DYM: variants seen among roughly 807,000 people sequenced by gnomAD.
DYM encodes dyggve-Melchior-Clausen syndrome protein.
A neutral mutation model predicts 93.1 loss-of-function variants in DYM; 78 were observed. The ratio of observed to expected loss-of-function variants is 0.84; its 90% CI spans 0.70 to 1.01. DYM has a LOEUF of 1.01. Among genes scored for constraint, DYM ranks in the 50% least tolerant of loss-of-function variants. DYM has a pLI of 0.00. For synonymous variants in DYM, 321 were observed against 319.7 expected, an observed-to-expected ratio of 1.00 and a Z score of -0.04; for missense variants, 789 against 845.0, an observed-to-expected ratio of 0.93 and a Z score of 0.82.
intron 1 of DYM, among the ~76,000 whole-genome samples, chr18:49,437,762 T>C (rs553042909): frequency 6.6e-6 from 1 of 152,352 alleles, no homozygotes; most frequent in South Asian, 2.1e-4. Context: ...TTAGATTTTT[T>C]TTAAAAAGCA....
At chr18:49,232,684 C>T (rs1166305420) in intron 13 of DYM, among the ~76,000 whole-genome samples, 2 of 147,310 alleles carry the variant, frequency 1.4e-5, no homozygotes, top group African/African-American at 5.0e-5. Context: ...TCTCGGCTCA[C>T]TGCAACCTCT....
intron 14 of DYM, among the ~76,000 whole-genome samples, chr18:49,189,991 G>A (rs750007426): frequency 2.0e-5 from 3 of 152,166 alleles, no homozygotes; most frequent in Admixed American, 6.5e-5. Context: ...TTTTCCTTCC[G>A]TTAAACTAGA....
chr18:49,073,147 T>C (rs566541132), intron 17 of DYM, among the ~76,000 whole-genome samples: 1 of 152,322 alleles, frequency 6.6e-6, no homozygotes, highest in South Asian at 2.1e-4. Context: ...CTCAAAGTAT[T>C]GAAACAAGTT....
intron 17 of DYM, among the ~76,000 whole-genome samples, chr18:49,060,763 GA>G (rs1353938989): frequency 1.4e-5 from 2 of 142,706 alleles, no homozygotes; most frequent in Non-Finnish European, 3.1e-5. Context: ...GAGAGAGAGA[GA>G]GGGGGAGAGA....
intron 2 of DYM, among the ~76,000 whole-genome samples, chr18:49,392,890 G>A (rs1229309759): frequency 6.6e-6 from 1 of 150,916 alleles, no homozygotes; most frequent in Non-Finnish European, 1.5e-5. Flanking sequence ...AGCTACTTGG[G>A]AGGATGCAGC....
intron 2 of DYM, among the ~76,000 whole-genome samples, chr18:49,428,757 C>A (rs999340057): frequency 1.3e-5 from 2 of 152,052 alleles, no homozygotes; most frequent in Admixed American, 6.6e-5. Context: ...TGGGATAGGG[C>A]ATGGGATGGT....
intron 17 of DYM, among the ~76,000 whole-genome samples, chr18:49,067,752 G>A (rs2076585948): frequency 6.6e-6 from 1 of 152,140 alleles, no homozygotes; most frequent in African/African-American, 2.4e-5. Flanking sequence ...ACAAAATAAA[G>A]TATGCCAGTT....
At chr18:49,098,432 T>C (rs2079784205) in intron 16 of DYM, among the ~76,000 whole-genome samples, 1 of 152,250 alleles carries the variant, frequency 6.6e-6, no homozygotes, top group South Asian at 2.1e-4. Context: ...CAATAACTTT[T>C]GTCTTATCCA....
intron 13 of DYM, among the ~76,000 whole-genome samples, chr18:49,236,503 T>C (rs1298300971): frequency 6.6e-6 from 1 of 150,946 alleles, no homozygotes. Flanking sequence ...AATAAATAAA[T>C]AAATAGCCAT....
chr18:49,252,034 T>C (rs1332412056), intron 13 of DYM, among the ~76,000 whole-genome samples: 2 of 151,360 alleles, frequency 1.3e-5, no homozygotes, highest in Non-Finnish European at 2.9e-5. Flanking sequence ...GCCAACATGT[T>C]GAAACCCCAT....
chr18:49,460,142 T>C (rs2083373642), intron 1 of DYM, among the ~76,000 whole-genome samples: 2 of 152,148 alleles, frequency 1.3e-5, no homozygotes, highest in South Asian at 4.1e-4. Flanking sequence ...CACCGCCCCA[T>C]CTCCGGAAGC....
At chr18:49,094,554 T>C (rs2079374094) in intron 17 of DYM, among the ~76,000 whole-genome samples, 1 of 152,196 alleles carries the variant, frequency 6.6e-6, no homozygotes, top group Admixed American at 6.5e-5. Context: ...GAAGAGAATG[T>C]TTAGAATGAT....
intron 15 of DYM, among the ~76,000 whole-genome samples, chr18:49,156,411 A>G (rs79205657): frequency 0.057 from 8,622 of 151,776 alleles, 333 homozygotes; most frequent in Middle Eastern, 0.12. Flanking sequence ...GACACACTCA[A>G]ACCACGCCCC....
chr18:49,383,660 AT>A (rs2068268311), intron 3 of DYM, among the ~76,000 whole-genome samples: 1 of 152,136 alleles, frequency 6.6e-6, no homozygotes, highest in Non-Finnish European at 1.5e-5. Flanking sequence ...ACTCTGCTTT[AT>A]TTTTCTGAAC....
intron 7 of DYM, among the ~76,000 whole-genome samples, 160 bp from the exon 8 acceptor site, chr18:49,332,166 CA>C (rs1479062737): frequency 2.0e-5 from 3 of 152,200 alleles, no homozygotes; most frequent in African/African-American, 4.8e-5. Context: ...CAGTGAAGAC[CA>C]TGGGCTTTGA....
At chr18:49,317,647 T>TCCTC (rs2062093497) in intron 8 of DYM, among the ~76,000 whole-genome samples, 1 of 17,010 alleles carries the variant, frequency 5.9e-5, no homozygotes, top group Admixed American at 7.8e-4. Context: ...TCCTCTCCTC[T>TCCTC]CCTTCCTTCC....
At chr18:49,449,051 T>C (rs1054056571) in intron 1 of DYM, among the ~76,000 whole-genome samples, 8 of 151,998 alleles carry the variant, frequency 5.3e-5, no homozygotes, top group Non-Finnish European at 1.2e-4. Flanking sequence ...ACCTCCACCA[T>C]CTCCAAAATT....
At chr18:49,232,476 T>G (rs1402110897) in intron 13 of DYM, among the ~76,000 whole-genome samples, 1 of 151,040 alleles carries the variant, frequency 6.6e-6, no homozygotes. Flanking sequence ...GCTAATTTTT[T>G]GTATTTTTAG....
intron 1 of DYM, among the ~76,000 whole-genome samples, chr18:49,454,367 C>A (rs117782027): frequency 1.3e-5 from 2 of 152,226 alleles, no homozygotes; most frequent in East Asian, 1.9e-4. Context: ...AGCTTGCACA[C>A]GATAATGCCT....
Sources: gnomAD v4.1 joint callset for allele counts (sites outside exome capture counted in the v4.1 genomes callset) on GRCh38, gnomAD v4.1.1 for gene constraint, MANE v1.5 for transcripts, NCBI Gene and HGNC (gene_info 2026-07-23, HGNC 2026-07-21) for gene names.